SLC34A2: variants seen among roughly 807,000 people sequenced by gnomAD.
SLC34A2 encodes the protein sodium-dependent phosphate transport protein 2B.
A neutral mutation model predicts 50.8 loss-of-function variants in SLC34A2; 41 were observed. The ratio of observed to expected loss-of-function variants is 0.81; its 90% CI spans 0.63 to 1.05. The LOEUF (loss-of-function observed/expected upper bound fraction) is 1.05, where lower values mean the gene tolerates loss of function less well. SLC34A2 is among the 50% of genes least tolerant of loss of function. The pLI is 0.00. For synonymous variants in SLC34A2, 401 were observed against 364.2 expected (o/e 1.10, Z -1.15); for missense variants, 879 against 876.7 (o/e 1.00, Z -0.03).
Position 25,676,555 on chromosome 4 carries a change from C to T in SLC34A2, c.1879C>T (p.Arg627Cys), listed in dbSNP as rs377357118. ...CTGCTGCTGCTGCCGCGTGTGCTGCCGCGCGTGCTGCTTGCTGTGTGACTG... is the reference window on the plus strand; with the variant it reads ...CTGCTGCTGCTGCCGCGTGTGCTGCTGCGCGTGCTGCTTGCTGTGTGACTG... ...RCCCCCRVCC[R>C]ACCLLCDCPK... Residue 627 changes from arginine (R) to cysteine (C), a missense_variant, in exon 13 of 13, where the codon CGC becomes TGC. Transcript: ENST00000382051. 1.9e-4 allele frequency: 302 copies of T among 1,612,516 alleles called. No homozygotes were observed. Among genetic ancestry groups the T allele is most frequent in the Non-Finnish European group, 2.5e-4 (291 of 1,178,828 alleles).
intron 4 of SLC34A2, 45 bp from the exon 5 acceptor site, chr4:25,666,083 C>A (rs569328765): frequency 6.2e-7 from 1 of 1,606,980 alleles, no homozygotes; most frequent in Non-Finnish European, 8.5e-7. Context: ...TAATCCCCCT[C>A]GATCACGTTG....
intron 1 of SLC34A2, among the ~76,000 whole-genome samples, chr4:25,660,567 C>T (rs965303341): frequency 1.5e-4 from 23 of 152,060 alleles, no homozygotes; most frequent in East Asian, 1.2e-3. Flanking sequence ...TTTTTTGAGA[C>T]GGAGTTTCAC....
chr4:25,661,440 T>C (rs1285824546), intron 1 of SLC34A2, among the ~76,000 whole-genome samples: 1 of 152,186 alleles, frequency 6.6e-6, no homozygotes, highest in Non-Finnish European at 1.5e-5. Flanking sequence ...CAGGCTGGAA[T>C]ACAGTGGCAT....
intron 6 of SLC34A2, among the ~76,000 whole-genome samples, 158 bp from the exon 7 acceptor site, chr4:25,669,489 G>A (rs1714697507): frequency 6.6e-6 from 1 of 152,154 alleles, no homozygotes; most frequent in African/African-American, 2.4e-5. Flanking sequence ...GCCACTTTGG[G>A]GATCGATATG....
At chr4:25,660,487 G>T (rs899239354) in intron 1 of SLC34A2, among the ~76,000 whole-genome samples, 1 of 152,212 alleles carries the variant, frequency 6.6e-6, no homozygotes, top group African/African-American at 2.4e-5. Flanking sequence ...ATAGCATAAT[G>T]AACTTAAATT....
intron 1 of SLC34A2, among the ~76,000 whole-genome samples, chr4:25,658,828 A>C (rs909458427): frequency 1.3e-5 from 2 of 152,126 alleles, no homozygotes; most frequent in Non-Finnish European, 2.9e-5. Context: ...CGCCAGGGCT[A>C]TGGGGGTAGG....
chr4:25,674,337 A>C lies in SLC34A2; in HGVS notation c.1258A>C (p.Ile420Leu), dbSNP rs1212536813. Reference sequence around the variant, plus strand: ...TGCATGGTTGACTGGCTACCTGGCCATCCTCGTCGGGGCAGGCATGACCTT... The same window carrying C: ...TGCATGGTTGACTGGCTACCTGGCCCTCCTCGTCGGGGCAGGCATGACCTT... ...PFAWLTGYLA[I>L]LVGAGMTFIV... The change falls in exon 11 of 13, where the codon ATC (isoleucine) becomes CTC (leucine). Residue 420 changes from isoleucine to leucine, a missense_variant. Transcript: ENST00000382051. 6.2e-7 allele frequency: 1 copy of C among 1,613,930 alleles called. No individual in the cohort carries two copies. Among genetic ancestry groups the C allele is most frequent in the Non-Finnish European group, 8.5e-7 (1 of 1,180,024 alleles).
chr4:25,666,283 C>A lies in SLC34A2; in HGVS notation c.523+12C>A, dbSNP rs1311360295. The A allele has an allele frequency of 6.2e-6, 10 of 1,613,246 alleles. No homozygotes were observed. Among genetic ancestry groups the A allele is most frequent in the African/African-American group, 1.3e-5 (1 of 74,902 alleles). On this transcript the variant is annotated intron_variant, in intron 5 of 12. Transcript: ENST00000382051. ...GGTGTCCTCTTCATGTGAGTCGGGG[C>A]ACCCATGAGCCCACCTGCATTCCAG...
intron 12 of SLC34A2, among the ~76,000 whole-genome samples, chr4:25,675,041 TA>T (rs1307665579): frequency 6.6e-6 from 1 of 152,146 alleles, no homozygotes; most frequent in Non-Finnish European, 1.5e-5. Context: ...ATTTTTATTT[TA>T]TTTTTTTGAG....
intron 1 of SLC34A2, among the ~76,000 whole-genome samples, chr4:25,661,616 G>A (rs1439369433): frequency 6.6e-6 from 1 of 152,250 alleles, no homozygotes; most frequent in Non-Finnish European, 1.5e-5. Context: ...TCGAACTTCT[G>A]ACCTCAGGTG....
intron 8 of SLC34A2, 113 bp from the exon 9 acceptor site, chr4:25,671,488 A>G: frequency 7.9e-7 from 1 of 1,272,530 alleles, no homozygotes; most frequent in South Asian, 1.2e-5. Context: ...TGTTGGGGCC[A>G]TACTGCATGC....
chr4:25,665,827 G>A (rs1415830881), intron 4 of SLC34A2, among the ~76,000 whole-genome samples: 1 of 152,194 alleles, frequency 6.6e-6, no homozygotes, highest in Non-Finnish European at 1.5e-5. Context: ...TGTTTGAAGA[G>A]TGGGAGGATG....
At chr4:25,668,674 T>G (rs996035662) in intron 6 of SLC34A2, among the ~76,000 whole-genome samples, 20 of 151,782 alleles carry the variant, frequency 1.3e-4, no homozygotes, top group Non-Finnish European at 2.6e-4. Flanking sequence ...AATACTGTTT[T>G]GTTTGGTCAT....
At chr4:25,656,060 A>G (rs1280306099) in intron 1 of SLC34A2, among the ~76,000 whole-genome samples, 170 bp downstream of exon 1, 2 of 152,198 alleles carry the variant, frequency 1.3e-5, no homozygotes, top group African/African-American at 4.8e-5. Context: ...TTTCTTCTTA[A>G]TGTTACGGTT....
chr4:25,663,834 G>C (rs933952148), intron 3 of SLC34A2, among the ~76,000 whole-genome samples: 2 of 152,106 alleles, frequency 1.3e-5, no homozygotes, highest in Non-Finnish European at 2.9e-5. Flanking sequence ...CATTATCTCC[G>C]ACCCTGCACT....
chr4:25,661,890 G>C (rs77681274), intron 1 of SLC34A2, among the ~76,000 whole-genome samples: 1 of 103,784 alleles, frequency 9.6e-6, no homozygotes, highest in East Asian at 3.1e-4. Flanking sequence ...TTTTTTTTTT[G>C]AGAAGGAGTT....
intron 9 of SLC34A2, 117 bp from the exon 10 acceptor site, chr4:25,672,970 G>T: frequency 8.5e-7 from 1 of 1,173,464 alleles, no homozygotes; most frequent in Non-Finnish European, 1.3e-6. Flanking sequence ...GCTGCCATCT[G>T]TTAAACTAAC....
chr4:25,659,025 G>C (rs538975991), intron 1 of SLC34A2, among the ~76,000 whole-genome samples: 54 of 151,452 alleles, frequency 3.6e-4, no homozygotes, highest in Non-Finnish European at 7.1e-4. Flanking sequence ...TGCCAATCTA[G>C]CCAGCTATCC....
rs111549241 is a variant in SLC34A2, at chr4:25,672,818, GCTGAGTCTACCC to G, written c.1049-264_1049-253del. Among the ~76,000 whole-genome samples the G allele has an allele frequency of 4.1e-4, 63 of 152,164 alleles. 2 individuals carry two copies. Among genetic ancestry groups the G allele is most frequent in the African/African-American group, 1.4e-3 (60 of 41,508 alleles). ...GCATGGTCTTTAGAGACAGAACTGG[GCTGAGTCTACCC>G]CTGAACAGTTGTGTGATTTTTAAAG... On this transcript the variant is annotated intron_variant, in intron 9 of 12. Coordinates refer to ENST00000382051, the MANE Select transcript of SLC34A2 (RefSeq NM_006424.3).
Sources: gnomAD v4.1 joint callset for allele counts (sites outside exome capture counted in the v4.1 genomes callset) on GRCh38, gnomAD v4.1.1 for gene constraint, MANE v1.5 for transcripts, NCBI Gene and HGNC (gene_info 2026-07-23, HGNC 2026-07-21) for gene names.